FMO2: variants seen among roughly 807,000 people sequenced by gnomAD.
The protein encoded by FMO2 is flavin containing dimethylaniline monoxygenase 2, also known as flavin-containing monooxygenase 2.
Under a neutral mutation model 41.6 loss-of-function variants are expected in FMO2, and 33 were observed. That is an observed-to-expected ratio of 0.79 (90% CI 0.60 to 1.06). The LOEUF is 1.06. FMO2 is among the 50% of genes least tolerant of loss of function. The probability of loss-of-function intolerance (pLI) is 0.00; values close to 1 mark genes in which losing one functional copy is unlikely to be tolerated. For synonymous variants in FMO2, 214 were observed against 219.6 expected (o/e 0.97, Z 0.23); for missense variants, 619 against 632.9 (o/e 0.98, Z 0.23).
At chr1:171,203,780 C>T (rs1035282921) in intron 5 of FMO2, 85 bp from the exon 6 acceptor site, 2 of 1,159,746 alleles carry the variant, frequency 1.7e-6, no homozygotes, top group Non-Finnish European at 2.5e-6. Context: ...TCTGGGGCTA[C>T]ACATGTGATA....
At chr1:171,205,705 T>C (rs1224940281) in intron 7 of FMO2, 71 bp downstream of exon 7, 30 of 1,053,626 alleles carry the variant, frequency 2.8e-5, no homozygotes, top group Non-Finnish European at 4.0e-5. Flanking sequence ...GATAAGAAGG[T>C]TGCCTGAGAT....
At position 171,207,937 on chromosome 1, in the gene FMO2, G is replaced by A. The variant is rs553053022; in HGVS notation, c.1256+147G>A. ...ATTGAATCAGAAACTCCGTGTGTGA[G>A]GCTAAAAAGTTGCATTTTTATCTTC... On this transcript the variant is annotated intron_variant, in intron 8 of 8. Transcript: ENST00000209929. 405 of 609,484 alleles carry A rather than the reference G, an allele frequency of 6.6e-4. 1 individual carries two copies. Among genetic ancestry groups the A allele is most frequent in the Admixed American group, 2.1e-3 (69 of 32,230 alleles). The allele number at this position is 609,484 out of a possible 1,614,324, so 37.8% of individuals were successfully genotyped here.
chr1:171,202,411 C>G (rs1325935149), intron 5 of FMO2, among the ~76,000 whole-genome samples: 1 of 152,130 alleles, frequency 6.6e-6, no homozygotes, highest in Non-Finnish European at 1.5e-5. Context: ...TGCTACTTCA[C>G]AAGCTAGGAA....
chr1:171,203,897 C>A lies in FMO2; in HGVS notation c.660C>A (p.Val220=). Residue 220 remains valine (V), a synonymous_variant, in exon 6 of 9, where the codon GTC becomes GTA. Coordinates refer to ENST00000209929, the MANE Select transcript of FMO2 (RefSeq NM_001460.5). The part of the protein sequence containing the change: ...VFISTRHGTW[V]MSRISEDGYP... The stretch of plus-strand genomic sequence containing the variant: ...TCAGCACCAGGCATGGCACCTGGGT[C>A]ATGAGCCGTATCTCTGAAGATGGCT... 1 of 1,613,586 alleles carries A rather than the reference C, an allele frequency of 6.2e-7. No individual in the cohort carries two copies. The highest frequency in any genetic ancestry group is 1.1e-5 in the South Asian group (1 of 91,060).
chr1:171,204,287 A>G (rs1658663164), intron 6 of FMO2, among the ~76,000 whole-genome samples: 1 of 152,198 alleles, frequency 6.6e-6, no homozygotes, highest in Admixed American at 6.6e-5. Context: ...TGCTCCAGAA[A>G]GCAAAACTAG....
At position 171,187,913 on chromosome 1, in the gene FMO2, C is replaced by G. The variant is rs369156648; in HGVS notation, c.132+2068C>G. ...AATCACATTCATTTCTTATTAAAAG[C>G]TGATGATTAATATCATTTTAGTTTT... On this transcript the variant is annotated intron_variant, in intron 2 of 8. Coordinates refer to ENST00000209929, the MANE Select transcript of FMO2 (RefSeq NM_001460.5). Among the ~76,000 whole-genome samples, 184 of 151,970 alleles carry G rather than the reference C, an allele frequency of 1.2e-3. 1 individual carries two copies. The highest frequency in any genetic ancestry group is 9.3e-3 in the South Asian group (45 of 4,822).
At chr1:171,207,559 A>G (rs1446210358) in intron 7 of FMO2, 159 bp from the exon 8 acceptor site, 2 of 614,304 alleles carry the variant, frequency 3.3e-6, no homozygotes, top group East Asian at 5.5e-5. Flanking sequence ...TGTCACATAG[A>G]GTGCTATGGG....
At chr1:171,189,846 A>G (rs551940897) in intron 2 of FMO2, among the ~76,000 whole-genome samples, 14 of 151,962 alleles carry the variant, frequency 9.2e-5, no homozygotes, top group African/African-American at 3.4e-4. Flanking sequence ...GCATTTGGGA[A>G]TTGCAATTTT....
At position 171,205,412 on chromosome 1, in the gene FMO2, A is replaced by C; in HGVS notation, c.961A>C (p.Asn321His). The C allele has an allele frequency of 6.2e-7, 1 of 1,613,928 alleles. No individual in the cohort carries two copies. Among genetic ancestry groups the C allele is most frequent in the Non-Finnish European group, 8.5e-7 (1 of 1,179,868 alleles). ...CTTTGAGGATGGAACAGTGGAGGAG[A>C]ACATTGATGTCATCATTTTTGCAAC... ...AIFEDGTVEE[N>H]IDVIIFATGY... The change falls in exon 7 of 9, where the codon AAC becomes CAC. Residue 321 changes from asparagine to histidine, a missense_variant. By Grantham distance (68) the Asn-to-His change is moderately conservative. Coordinates refer to ENST00000209929, the MANE Select transcript of FMO2 (RefSeq NM_001460.5).
Position 171,203,968 on chromosome 1 carries a change from G to A in FMO2, c.731G>A (p.Arg244His), listed in dbSNP as rs144453751. Residue 244 changes from arginine (R) to histidine (H), a missense_variant, in exon 6 of 9, where the codon CGC (arginine) becomes CAC (histidine). Coordinates refer to ENST00000209929, the MANE Select transcript of FMO2 (RefSeq NM_001460.5). ...CACACCCGGTTTCGTTCTATGCTCC[G>A]CAATGTACTGCCACGAACAGCTGTA... ...VFHTRFRSML[R>H]NVLPRTAVKW... 470 of 1,613,566 alleles carry A rather than the reference G, an allele frequency of 2.9e-4. 2 individuals carry two copies. The highest frequency in any genetic ancestry group is 1.6e-3 in the South Asian group (148 of 91,074).
At chr1:171,195,738 AGATAT>A (rs1450790738) in intron 3 of FMO2, among the ~76,000 whole-genome samples, 2 of 152,252 alleles carry the variant, frequency 1.3e-5, no homozygotes, top group African/African-American at 4.8e-5. Flanking sequence ...TTAATCCAGC[AGATAT>A]GAAACATTTA....
In FMO2 at chr1:171,205,620, C is replaced by T. The variant is rs752948394; in HGVS notation, c.1169C>T (p.Thr390Ile). Reference sequence around the variant, plus strand: ...GCTGAACTTCAAGCTCGTTGGGTGACAAGAGTTTTCAAAGGTAAGTGTGTA... The same window carrying T: ...GCTGAACTTCAAGCTCGTTGGGTGATAAGAGTTTTCAAAGGTAAGTGTGTA... ...PTAELQARWV[T>I]RVFKGLCSLP... Residue 390 changes from threonine to isoleucine, a missense_variant, in exon 7 of 9, where the codon ACA becomes ATA. Thr to Ile is a moderately conservative substitution (Grantham distance 89). Transcript: ENST00000209929. 8.7e-6 allele frequency: 14 copies of T among 1,605,086 alleles called. No homozygotes were observed. In the East Asian group the frequency reaches 8.9e-5, roughly 10 times the overall value.
chr1:171,190,050 G>A (rs1344107388), intron 2 of FMO2, among the ~76,000 whole-genome samples: 2 of 151,916 alleles, frequency 1.3e-5, no homozygotes, highest in Non-Finnish European at 2.9e-5. Context: ...GATTGGTAAG[G>A]GTCAATATAA....
At chr1:171,198,625 G>A (rs1231143140) in intron 4 of FMO2, among the ~76,000 whole-genome samples, 1 of 151,972 alleles carries the variant, frequency 6.6e-6, no homozygotes, top group Non-Finnish European at 1.5e-5. Context: ...TGGCCAGGCT[G>A]GTTTCAAATT....
rs890608948 is a variant in FMO2 at position 171,211,740 on chromosome 1, C to T, written c.*2595C>T. Among the ~76,000 whole-genome samples the T allele has an allele frequency of 2.0e-5, 3 of 152,146 alleles. No individual in the cohort carries two copies. The highest frequency in any genetic ancestry group is 6.5e-5 in the Admixed American group (1 of 15,280). On this transcript the variant is annotated 3_prime_UTR_variant, in exon 9 of 9. Coordinates refer to ENST00000209929, the MANE Select transcript of FMO2 (RefSeq NM_001460.5). ...TGAACATCAAACTATCCCAGGAAAA[C>T]CATCTAGAGTAGTTTGTTTCAAAAT...
chr1:171,201,856 A>G (rs1163657373), intron 5 of FMO2, among the ~76,000 whole-genome samples: 1 of 152,090 alleles, frequency 6.6e-6, no homozygotes, highest in Non-Finnish European at 1.5e-5. Context: ...TAAAACCATC[A>G]GATCTCGTGA....
intron 2 of FMO2, 163 bp downstream of exon 2, chr1:171,186,008 CTCTCCCCCAG>C: frequency 1.3e-6 from 1 of 752,694 alleles, no homozygotes. Flanking sequence ...AGGCTGGCAT[CTCTCCCCCAG>C]TCAATACTAA....
intron 2 of FMO2, among the ~76,000 whole-genome samples, chr1:171,187,801 T>G (rs12086301): frequency 5.0e-4 from 76 of 152,196 alleles, no homozygotes; most frequent in African/African-American, 1.7e-3. Flanking sequence ...CATTCTACTA[T>G]CTAAACACAC....
rs1658936438 is a variant in FMO2 at position 171,210,502 on chromosome 1, A to C, written c.*1357A>C. On this transcript the variant is annotated 3_prime_UTR_variant, in exon 9 of 9. Coordinates refer to ENST00000209929, the MANE Select transcript of FMO2 (RefSeq NM_001460.5). ...AAACAAACAAAAGCAATTCAATGTC[A>C]ATAGACATTAAGCAACATAATAGAC... 2.0e-5 allele frequency: 3 copies of C among 152,262 alleles called. No individual in the cohort carries two copies. The South Asian group carries it at 6.2e-4, about 31-fold the overall frequency. The allele number at this position is 152,262 out of a possible 1,614,324, so 9.4% of individuals were successfully genotyped here.
Sources: gnomAD v4.1 joint callset for allele counts (sites outside exome capture counted in the v4.1 genomes callset) on GRCh38, gnomAD v4.1.1 for gene constraint, MANE v1.5 for transcripts, NCBI Gene and HGNC (gene_info 2026-07-23, HGNC 2026-07-21) for gene names.